ZNF280D: variants seen among roughly 807,000 people sequenced by gnomAD.
The protein encoded by ZNF280D is suppressor of hairy wing homolog 4.
ZNF280D carries 39 observed loss-of-function variants against 94.7 expected under a neutral mutation model. That is an observed-to-expected ratio of 0.41 (90% CI 0.32 to 0.54). The LOEUF (loss-of-function observed/expected upper bound fraction) is 0.54. ZNF280D is among the 20% of genes least tolerant of loss of function. The probability of loss-of-function intolerance (pLI) is 0.22; values close to 1 mark genes in which losing one functional copy is unlikely to be tolerated. For missense variants in ZNF280D, 1,090 were observed against 1,149.3 expected (o/e 0.95, Z 0.75); for synonymous variants, 398 against 377.6 (o/e 1.05, Z -0.63).
intron 10 of ZNF280D, 139 bp from the exon 11 acceptor site, chr15:56,678,960 A>T: frequency 1.4e-6 from 1 of 711,526 alleles, no homozygotes; most frequent in South Asian, 4.6e-5. Flanking sequence ...TGCCTAGGAA[A>T]GTATGCACTT....
Position 56,635,194 on chromosome 15 carries a change from C to T in ZNF280D, c.2315+1G>A, listed in dbSNP as rs1301136531. 7.1e-6 allele frequency: 11 copies of T among 1,539,414 alleles called. No homozygotes were observed. The highest frequency in any genetic ancestry group is 8.8e-6 in the Non-Finnish European group (10 of 1,142,126). On this transcript the variant is annotated splice_donor_variant, in intron 21 of 21. Coordinates refer to ENST00000267807, the MANE Select transcript of ZNF280D (RefSeq NM_017661.4). LOFTEE classifies it high-confidence loss of function. ...GAAATTCAGTTTTTCCTTATATTTA[C>T]CTTTCAGAATTTGATGTTTCTGTTT...
At chr15:56,731,698 GC>G (rs1346434334) in intron 1 of ZNF280D, among the ~76,000 whole-genome samples, 1 of 152,086 alleles carries the variant, frequency 6.6e-6, no homozygotes, top group Non-Finnish European at 1.5e-5. Flanking sequence ...AGCATTTAGG[GC>G]TGAACTGTCA....
At position 56,666,350 on chromosome 15, in the gene ZNF280D, G is replaced by A. The variant is rs1182616355; in HGVS notation, c.1994+45C>T. The A allele has an allele frequency of 8.2e-6, 13 of 1,583,774 alleles. 1 individual carries two copies. In the Middle Eastern group the frequency reaches 5.1e-4, roughly 63 times the overall value. ...TTTGTTTTTGAAACAGAAACTTGCT[G>A]AACTATAATTTTAATTGGCAATTTA... On this transcript the variant is annotated intron_variant, in intron 16 of 21. Coordinates refer to ENST00000267807, the MANE Select transcript of ZNF280D (RefSeq NM_017661.4).
At chr15:56,720,100 G>C (rs180902850) in intron 1 of ZNF280D, among the ~76,000 whole-genome samples, 2 of 152,084 alleles carry the variant, frequency 1.3e-5, no homozygotes, top group Admixed American at 1.3e-4. Context: ...AAGGTTTCTT[G>C]GTAGCATACG....
chr15:56,672,733 G>A (rs1430740676), intron 13 of ZNF280D, among the ~76,000 whole-genome samples: 3 of 151,920 alleles, frequency 2.0e-5, no homozygotes, highest in African/African-American at 7.2e-5. Context: ...ATATAAGGAA[G>A]TACCTAGCAC....
At chr15:56,667,667 C>T (rs891714401) in intron 14 of ZNF280D, among the ~76,000 whole-genome samples, 37 of 152,234 alleles carry the variant, frequency 2.4e-4, no homozygotes, top group African/African-American at 8.4e-4. Context: ...TACCCTCCTC[C>T]GGTATTTGAG....
At chr15:56,686,359 G>T (rs1416019357) in intron 9 of ZNF280D, among the ~76,000 whole-genome samples, 1 of 152,100 alleles carries the variant, frequency 6.6e-6, no homozygotes, top group African/African-American at 2.4e-5. Context: ...GGCTGGTCTC[G>T]AACTCCTGAC....
intron 1 of ZNF280D, among the ~76,000 whole-genome samples, chr15:56,722,772 T>C (rs1216500639): frequency 6.6e-6 from 1 of 152,090 alleles, no homozygotes; most frequent in South Asian, 2.1e-4. Flanking sequence ...TAAAGACACA[T>C]GCACACGTCT....
intron 19 of ZNF280D, among the ~76,000 whole-genome samples, chr15:56,647,729 C>T (rs1170288812): frequency 6.6e-6 from 1 of 152,030 alleles, no homozygotes; most frequent in Non-Finnish European, 1.5e-5. Context: ...TGGGGTTTCA[C>T]CATGTTGCGC....
chr15:56,681,919 T>C (rs577485270), intron 10 of ZNF280D, among the ~76,000 whole-genome samples: 11 of 152,068 alleles, frequency 7.2e-5, no homozygotes, highest in African/African-American at 2.6e-4. Context: ...TGTGAAGAAA[T>C]ATAAAATTCA....
At chr15:56,654,543 T>C (rs751950077) in intron 17 of ZNF280D, 40 bp from the exon 18 acceptor site, 37 of 1,526,058 alleles carry the variant, frequency 2.4e-5, no homozygotes, top group Non-Finnish European at 3.3e-5. Context: ...TTATCTTTTA[T>C]GAAAATCCAC....
chr15:56,704,383 G>GA, intron 3 of ZNF280D, 116 bp from the exon 4 acceptor site: 6 of 1,009,326 alleles, frequency 5.9e-6, no homozygotes, highest in Non-Finnish European at 8.6e-6. Flanking sequence ...AGCAATTTCT[G>GA]AATTGATATT....
chr15:56,649,121 A>T (rs1479819264), intron 19 of ZNF280D, among the ~76,000 whole-genome samples: 1 of 152,156 alleles, frequency 6.6e-6, no homozygotes, highest in Non-Finnish European at 1.5e-5. Context: ...AAATAAGACC[A>T]TCAATGTAGG....
chr15:56,649,203 T>C (rs1320810314), intron 19 of ZNF280D, among the ~76,000 whole-genome samples: 1 of 152,150 alleles, frequency 6.6e-6, no homozygotes, highest in Non-Finnish European at 1.5e-5. Context: ...AATTATACCC[T>C]GGATATTTAA....
intron 1 of ZNF280D, among the ~76,000 whole-genome samples, chr15:56,724,380 T>TTCCAGGTGCAGTGAGGTGC: frequency 6.6e-6 from 1 of 152,312 alleles, no homozygotes; most frequent in East Asian, 1.9e-4. Context: ...TGTTAAAAGC[T>TTCCAGGTGCAGTGAGGTGC]TCCAGGTGCA....
chr15:56,650,482 T>A (rs181677484), intron 19 of ZNF280D, among the ~76,000 whole-genome samples: 1 of 152,268 alleles, frequency 6.6e-6, no homozygotes, highest in East Asian at 1.9e-4. Flanking sequence ...ATATTTTGAC[T>A]GTCAATGTCT....
At chr15:56,636,959 T>C (rs1266995023) in intron 20 of ZNF280D, among the ~76,000 whole-genome samples, 1 of 152,036 alleles carries the variant, frequency 6.6e-6, no homozygotes, top group Non-Finnish European at 1.5e-5. Context: ...TCTAGACTTA[T>C]GAACACCAGG....
intron 16 of ZNF280D, 118 bp from the exon 17 acceptor site, chr15:56,658,604 T>C (rs1026010358): frequency 1.6e-6 from 1 of 624,988 alleles, no homozygotes; most frequent in African/African-American, 1.9e-5. Context: ...ATAATGTAAA[T>C]AATAAAATAA....
At chr15:56,722,900 A>G (rs1327743203) in intron 1 of ZNF280D, among the ~76,000 whole-genome samples, 3 of 151,960 alleles carry the variant, frequency 2.0e-5, no homozygotes, top group Admixed American at 6.6e-5. Context: ...ATGCAGCCAT[A>G]AAAAATGATG....
Sources: gnomAD v4.1 joint callset for allele counts (sites outside exome capture counted in the v4.1 genomes callset) on GRCh38, gnomAD v4.1.1 for gene constraint, MANE v1.5 for transcripts, NCBI Gene and HGNC (gene_info 2026-07-23, HGNC 2026-07-21) for gene names.